The following BEAN1 variants were observed in gnomAD, a reference collection of about 807,000 sequenced individuals.
BEAN1 encodes the protein brain expressed associated with NEDD4 1, also known as protein BEAN1.
In BEAN1, 17 loss-of-function variants were observed where a neutral mutation model predicts 17.7. The ratio of observed to expected loss-of-function variants is 0.96; its 90% CI spans 0.66 to 1.44. BEAN1 has a LOEUF of 1.44. Ranked by LOEUF, BEAN1 falls within the 40% of genes most tolerant of loss-of-function variation. The pLI is 0.00. For synonymous variants in BEAN1, 142 were observed against 151.8 expected (o/e 0.94, Z 0.47); for missense variants, 359 against 374.1 (o/e 0.96, Z 0.33).
Position 66,452,921 on chromosome 16 carries a change from C to G in BEAN1, c.25+15220C>G, listed in dbSNP as rs76293992. On this transcript the variant is annotated intron_variant, in intron 2 of 4. Coordinates refer to ENST00000536005, the MANE Select transcript of BEAN1 (RefSeq NM_001178020.3). ...AGGTTCAAATCCTGTCTCCCTCCCC[C>G]CAACTAAAAATTGTCTTTGCGATCT... Among the ~76,000 whole-genome samples, 1,138 of 152,214 alleles carry G rather than the reference C, an allele frequency of 7.5e-3. 5 individuals are homozygous for G. The highest frequency in any genetic ancestry group is 0.014 in the Middle Eastern group (4 of 294).
chr16:66,437,550 G>T (rs894478493), intron 1 of BEAN1, 45 bp from the exon 2 acceptor site: 1 of 1,158,880 alleles, frequency 8.6e-7, no homozygotes, highest in Non-Finnish European at 1.2e-6. Context: ...GGGGCTGTGG[G>T]TGCGCCATGG....
rs922205529 is a variant in BEAN1, at chr16:66,482,418, T to G, written c.*1493T>G. 1.2e-5 allele frequency: 2 copies of G among 161,354 alleles called. No individual in the cohort carries two copies. The highest frequency in any genetic ancestry group is 2.4e-5 in the African/African-American group (1 of 41,496). The allele number at this position is 161,354 out of a possible 1,614,324, so 10.0% of individuals were successfully genotyped here. A position where few individuals can be genotyped will look rare whatever the true frequency, so the allele number is the denominator to read the frequency against. ...ATTTTATTTTCTGTAGAGATAGCAT[T>G]TCTTCTGGTGCGGAGCTGAAAGGAA... On this transcript the variant is annotated 3_prime_UTR_variant, in exon 5 of 5. Coordinates refer to ENST00000536005, the MANE Select transcript of BEAN1 (RefSeq NM_001178020.3).
At chr16:66,478,675 A>G (rs549422198) in intron 4 of BEAN1, among the ~76,000 whole-genome samples, 8 of 152,350 alleles carry the variant, frequency 5.3e-5, no homozygotes, top group East Asian at 1.9e-4. Context: ...CAGAAGTGCC[A>G]GTAAAATGCT....
At chr16:66,476,095 G>A (rs1332178944) in intron 3 of BEAN1, among the ~76,000 whole-genome samples, 5 of 145,914 alleles carry the variant, frequency 3.4e-5, no homozygotes, top group Admixed American at 2.8e-4. Flanking sequence ...GGGCGACAGT[G>A]AGAGACTCCG....
At chr16:66,485,538 T>C (rs565185940), downstream of BEAN1, 6 of 223,150 alleles carry the variant, frequency 2.7e-5, no homozygotes, top group South Asian at 3.9e-4. Context: ...AGAGGAACTC[T>C]CTGGAGCCCA....
In BEAN1 at chr16:66,446,187, ACT is replaced by A. The variant is rs1962448006; in HGVS notation, c.25+8489_25+8490del. Among the ~76,000 whole-genome samples the A allele has an allele frequency of 3.3e-5, 5 of 151,268 alleles. No individual in the cohort carries two copies. In the South Asian group the frequency reaches 1.0e-3, roughly 32 times the overall value. The stretch of plus-strand genomic sequence containing the variant: ...GATAGAGCGAGACTCTTAGAGTGAG[ACT>A]CTGTCTAAAAAAAAAAGGGGGGACA... On this transcript the variant is annotated intron_variant, in intron 2 of 4. Coordinates refer to ENST00000536005, the MANE Select transcript of BEAN1 (RefSeq NM_001178020.3).
intron 1 of BEAN1, among the ~76,000 whole-genome samples, chr16:66,435,812 G>A (rs67395729): frequency 0.06 from 9,143 of 152,170 alleles, 595 homozygotes; most frequent in African/African-American, 0.16. Context: ...TCTATTTAAC[G>A]TGAATCAGAG....
chr16:66,432,258 CAT>C (rs1227069805), intron 1 of BEAN1, among the ~76,000 whole-genome samples: 1 of 152,174 alleles, frequency 6.6e-6, no homozygotes, highest in African/African-American at 2.4e-5. Context: ...TTTATTCAAT[CAT>C]ATGACAAACA....
At chr16:66,429,296 G>A (rs1961703872) in intron 1 of BEAN1, among the ~76,000 whole-genome samples, 2 of 152,200 alleles carry the variant, frequency 1.3e-5, no homozygotes, top group African/African-American at 2.4e-5. Context: ...AGGATGTCGG[G>A]GAGGAAATGG....
At chr16:66,493,263 AGGG>A (rs1964201962) in exon 5 of BEAN1, 1 of 702,862 alleles carries the variant, frequency 1.4e-6, no homozygotes, top group Non-Finnish European at 2.6e-6. Flanking sequence ...AGCTGCCTCG[AGGG>A]GGTTCAGCCA....
intron 4 of BEAN1, 151 bp from the exon 5 acceptor site, chr16:66,480,435 A>C: frequency 1.6e-6 from 1 of 613,444 alleles, no homozygotes; most frequent in Non-Finnish European, 2.8e-6. Flanking sequence ...GATGGAGGGA[A>C]GTAGCAGGGT....
intron 2 of BEAN1, among the ~76,000 whole-genome samples, chr16:66,446,179 AGAGT>A: frequency 6.6e-6 from 1 of 151,968 alleles, no homozygotes; most frequent in South Asian, 2.1e-4. Context: ...CGAGACTCTT[AGAGT>A]GAGACTCTGT....
chr16:66,429,080 C>A (rs1234234796), intron 1 of BEAN1, among the ~76,000 whole-genome samples: 4 of 152,174 alleles, frequency 2.6e-5, no homozygotes, highest in African/African-American at 9.7e-5. Context: ...GAATTTAACA[C>A]CTCCCTCCAC....
intron 4 of BEAN1, among the ~76,000 whole-genome samples, chr16:66,488,694 C>T (rs947501309): frequency 6.6e-6 from 1 of 151,366 alleles, no homozygotes; most frequent in Non-Finnish European, 1.5e-5. Context: ...GAGATCATAT[C>T]TCAAAAAACA....
chr16:66,465,178 A>G (rs1963219895), intron 2 of BEAN1, among the ~76,000 whole-genome samples: 2 of 152,338 alleles, frequency 1.3e-5, no homozygotes, highest in South Asian at 2.1e-4. Flanking sequence ...GTCTATTGAT[A>G]TGGTATATTA....
chr16:66,453,946 G>C (rs1453468760), intron 2 of BEAN1, among the ~76,000 whole-genome samples: 1 of 151,942 alleles, frequency 6.6e-6, no homozygotes, highest in Admixed American at 6.6e-5. Context: ...GTTGGCCAGG[G>C]TGGTCTCAAA....
At chr16:66,475,367 A>G (rs1237659034) in intron 3 of BEAN1, among the ~76,000 whole-genome samples, 1 of 152,216 alleles carries the variant, frequency 6.6e-6, no homozygotes, top group Admixed American at 6.5e-5. Context: ...GAAAGGGTAG[A>G]TAGCAGTTTG....
chr16:66,480,842 G>C lies in BEAN1; in HGVS notation c.697G>C (p.Gly233Arg). Reference protein sequence around the residue: ...GPPSGLLPLPGPDPGPRGSQG... With the variant: ...GPPSGLLPLPRPDPGPRGSQG... ...CCCATCAGGCCTGCTGCCACTGCCG[G>C]GCCCAGACCCAGGGCCAAGGGGCTC... The change falls in exon 5 of 5, where the codon GGC (glycine) becomes CGC (arginine). Residue 233 changes from glycine to arginine, a missense_variant. Gly to Arg is a moderately radical substitution (Grantham distance 125, BLOSUM62 -2). Transcript: ENST00000536005. 6.6e-7 allele frequency: 1 copy of C among 1,523,012 alleles called. No homozygotes were observed. The highest frequency in any genetic ancestry group is 1.2e-5 in the South Asian group (1 of 80,892). The allele number at this position is 1,523,012 out of a possible 1,614,324, so 94.3% of individuals were successfully genotyped here. A position where few individuals can be genotyped will look rare whatever the true frequency, so the allele number is the denominator to read the frequency against.
chr16:66,437,672 A>T lies in BEAN1; in HGVS notation c.-5A>T, dbSNP rs2142378098. The T allele has an allele frequency of 6.5e-7, 1 of 1,535,956 alleles. No individual in the cohort carries two copies. The highest frequency in any genetic ancestry group is 2.4e-5 in the East Asian group (1 of 40,902). ...CTGGCTCCGCTGTTCTGCTCCAAGG[A>T]TTACATGTCCTTCAAACGTCCCTGC... On this transcript the variant is annotated 5_prime_UTR_variant, in exon 2 of 5. Transcript: ENST00000536005.
Sources: allele counts gnomAD v4.1 joint callset (sites outside exome capture counted in the v4.1 genomes callset), GRCh38; gene constraint gnomAD v4.1.1; transcripts MANE v1.5; gene names NCBI Gene and HGNC (gene_info 2026-07-23, HGNC 2026-07-21).